ZNF248: variants seen among roughly 807,000 people sequenced by gnomAD.
ZNF248 encodes zinc finger protein 248, also known as KRAB protein domain.
In ZNF248, 20 loss-of-function variants were observed where a neutral mutation model predicts 44.3. That is an observed-to-expected ratio of 0.45 (90% confidence interval 0.32 to 0.66). The LOEUF (loss-of-function observed/expected upper bound fraction) is 0.66. ZNF248 is among the 30% of genes least tolerant of loss of function. ZNF248 has a pLI of 0.04. For missense variants in ZNF248, 654 were observed against 677.0 expected (o/e 0.97, Z 0.38); for synonymous variants, 224 against 229.0 (o/e 0.98, Z 0.20).
At chr10:37,820,396 T>C in intron 6 of ZNF248, 1 of 1,497,016 alleles carries the variant, frequency 6.7e-7, no homozygotes, top group African/African-American at 1.4e-5. Flanking sequence ...ATTGCTGACA[T>C]GAGGCTGTTG....
intron 6 of ZNF248, chr10:37,820,874 TTTA>T: frequency 7.9e-7 from 1 of 1,269,646 alleles, no homozygotes; most frequent in Non-Finnish European, 1.1e-6. Flanking sequence ...TTCTTGCATA[TTTA>T]TTGTTTTTTC....
chr10:37,820,342 C>A, intron 6 of ZNF248: 1 of 1,398,442 alleles, frequency 7.2e-7, no homozygotes, highest in South Asian at 1.2e-5. Flanking sequence ...AGGCCAGCTC[C>A]CCTTTGTGCC....
chr10:37,804,820 A>G (rs2050332645), intron 6 of ZNF248, among the ~76,000 whole-genome samples: 1 of 152,222 alleles, frequency 6.6e-6, no homozygotes, highest in Admixed American at 6.5e-5. Flanking sequence ...ATAAAATAAG[A>G]GTATGGTTCA....
chr10:37,856,791 G>T, intron 1 of ZNF248: 1 of 921,634 alleles, frequency 1.1e-6, no homozygotes, highest in Non-Finnish European at 1.3e-6. Context: ...TCCTCAAAAG[G>T]ATCTTTTAAT....
intron 6 of ZNF248, chr10:37,820,558 T>G: frequency 1.2e-6 from 2 of 1,601,496 alleles, no homozygotes; most frequent in Non-Finnish European, 1.7e-6. Context: ...GGCTGGTCCC[T>G]GGCCCGCTTC....
chr10:37,775,698 T>C (rs1215692275), downstream of ZNF248, among the ~76,000 whole-genome samples: 1 of 152,210 alleles, frequency 6.6e-6, no homozygotes, highest in African/African-American at 2.4e-5. Flanking sequence ...AATAATATTA[T>C]ATCAGAAGAC....
At chr10:37,805,949 A>G (rs111767966) in intron 6 of ZNF248, among the ~76,000 whole-genome samples, 7 of 152,232 alleles carry the variant, frequency 4.6e-5, no homozygotes, top group Admixed American at 1.3e-4. Flanking sequence ...GTACATATGA[A>G]CATTTGTGTA....
At chr10:37,769,809 A>G in the ZNF248 span, among the ~76,000 whole-genome samples, 1 of 152,202 alleles carries the variant, frequency 6.6e-6, no homozygotes, top group Non-Finnish European at 1.5e-5. Flanking sequence ...AGGGTATTCA[A>G]TTAGGAAAAG....
At chr10:37,773,078 C>T (rs191064294), downstream of ZNF248, among the ~76,000 whole-genome samples, 433 of 152,166 alleles carry the variant, frequency 2.8e-3, 1 homozygote, top group African/African-American at 9.7e-3. Context: ...GAAACCCCGT[C>T]CCTACTAAAA....
intron 6 of ZNF248, among the ~76,000 whole-genome samples, chr10:37,777,123 G>A (rs973962773): frequency 6.6e-6 from 1 of 152,098 alleles, no homozygotes; most frequent in Non-Finnish European, 1.5e-5. Flanking sequence ...CTGATTGAGA[G>A]CTCTAAACTG....
At chr10:37,837,559 C>T in intron 5 of ZNF248, 58 bp downstream of exon 5, 1 of 1,431,226 alleles carries the variant, frequency 7.0e-7, no homozygotes, top group South Asian at 1.2e-5. Context: ...AAATCCTAAA[C>T]CAATTACCTA....
At chr10:37,835,156 A>T (rs900475576) in intron 5 of ZNF248, among the ~76,000 whole-genome samples, 23 of 150,786 alleles carry the variant, frequency 1.5e-4, no homozygotes, top group Non-Finnish European at 3.1e-4. Flanking sequence ...ACCAACTAGG[A>T]ATTAGAAATT....
In ZNF248 at chr10:37,831,733, G is replaced by A. The variant is rs370640735; in HGVS notation, c.1622C>T (p.Thr541Ile). ...EKSALTKHQR[T>I]HTGEKPYECN... ...CTCATACGGCTTCTCCCCTGTGTGA[G>A]TCCTCTGATGTTTAGTGAGAGCTGA... The change falls in exon 6 of 6, where the codon ACT (threonine) becomes ATT (isoleucine). Residue 541 changes from threonine (T) to isoleucine (I), a missense_variant. By Grantham distance (89) the Thr-to-Ile change is moderately conservative (BLOSUM62 -1). Coordinates refer to ENST00000395867, the MANE Select transcript of ZNF248 (RefSeq NM_021045.3). 2 of 1,613,286 alleles carry A rather than the reference G, an allele frequency of 1.2e-6. No individual in the cohort carries two copies. Among genetic ancestry groups the A allele is most frequent in the South Asian group, 1.1e-5 (1 of 91,082 alleles).
intron 6 of ZNF248, among the ~76,000 whole-genome samples, chr10:37,823,432 C>T (rs2053829993): frequency 7.2e-6 from 1 of 139,622 alleles, no homozygotes; most frequent in Admixed American, 7.4e-5. Context: ...ACATTCCAAA[C>T]AAATTCTCAA....
intron 6 of ZNF248, among the ~76,000 whole-genome samples, chr10:37,786,396 GA>G (rs1480222424): frequency 2.6e-5 from 4 of 152,144 alleles, no homozygotes; most frequent in South Asian, 2.1e-4. Flanking sequence ...TGACAGCAGG[GA>G]AGTAATGTGG....
At chr10:37,811,323 T>C (rs2051452153) in intron 6 of ZNF248, among the ~76,000 whole-genome samples, 1 of 152,164 alleles carries the variant, frequency 6.6e-6, no homozygotes, top group Admixed American at 6.5e-5. Context: ...TGTAATCTCA[T>C]ATTGAAAATG....
In ZNF248 at chr10:37,831,050, A is replaced by G. The variant is rs895034831; in HGVS notation, c.*565T>C. On this transcript the variant is annotated 3_prime_UTR_variant, in exon 6 of 6. Coordinates refer to ENST00000395867, the MANE Select transcript of ZNF248 (RefSeq NM_021045.3). ...AATATATTTACATATACACACAAAC[A>G]TATGTACATACACATATATAATTAT... 4 of 1,154,750 alleles carry G rather than the reference A, an allele frequency of 3.5e-6. No homozygotes were observed. The African/African-American group carries it at 6.3e-5, about 18-fold the overall frequency. 71.5% of individuals were successfully genotyped at this position (1,154,750 alleles called of 1,614,324 possible).
chr10:37,778,155 G>A (rs569516692), intron 6 of ZNF248, among the ~76,000 whole-genome samples: 16 of 152,292 alleles, frequency 1.1e-4, no homozygotes, highest in African/African-American at 3.1e-4. Context: ...CCCACCAACA[G>A]TGTAAAAGTG....
At chr10:37,833,159 A>G (rs1564584110) in intron 5 of ZNF248, 43 bp from the exon 6 acceptor site, 4 of 1,524,560 alleles carry the variant, frequency 2.6e-6, no homozygotes, top group Non-Finnish European at 3.5e-6. Flanking sequence ...ACCTTAATAC[A>G]TTTCTGATGG....
Sources: allele counts gnomAD v4.1 joint callset (sites outside exome capture counted in the v4.1 genomes callset), GRCh38; gene constraint gnomAD v4.1.1; transcripts MANE v1.5; gene names NCBI Gene and HGNC (gene_info 2026-07-23, HGNC 2026-07-21).